The following SLAMF1 variants were observed in gnomAD, a reference collection of about 807,000 sequenced individuals.
SLAMF1 encodes the protein signaling lymphocytic activation molecule family member 1.
A neutral mutation model predicts 35.1 loss-of-function variants in SLAMF1; 18 were observed. The ratio of observed to expected loss-of-function variants is 0.51; its 90% CI spans 0.35 to 0.76. The LOEUF (loss-of-function observed/expected upper bound fraction) is 0.76. SLAMF1 is among the 30% of genes least tolerant of loss of function. The pLI, the probability that SLAMF1 is intolerant of heterozygous loss-of-function variation, is 0.01. For missense variants in SLAMF1, 392 were observed against 413.0 expected (o/e 0.95, Z 0.44); for synonymous variants, 168 against 157.2 (o/e 1.07, Z -0.51).
intron 4 of SLAMF1, 134 bp downstream of exon 4, chr1:160,623,962 T>G: frequency 1.5e-6 from 1 of 655,340 alleles, no homozygotes. Flanking sequence ...CCAGGATATG[T>G]TTATCTACTA....
chr1:160,628,324 C>G (rs575204680), intron 3 of SLAMF1, among the ~76,000 whole-genome samples: 1 of 152,200 alleles, frequency 6.6e-6, no homozygotes, highest in South Asian at 2.1e-4. Flanking sequence ...TTCAGACTCT[C>G]TCTTTCTCTT....
intron 1 of SLAMF1, among the ~76,000 whole-genome samples, chr1:160,646,326 G>T (rs554880323): frequency 1.3e-5 from 2 of 152,236 alleles, no homozygotes; most frequent in African/African-American, 4.8e-5. Context: ...CAGTATGACC[G>T]CACTGTGGCC....
At chr1:160,633,194 A>G (rs2102331621) in intron 3 of SLAMF1, among the ~76,000 whole-genome samples, 2 of 152,150 alleles carry the variant, frequency 1.3e-5, no homozygotes, top group Admixed American at 6.5e-5. Context: ...GCACCTTCTA[A>G]ATGACTGTGG....
At chr1:160,643,949 T>C (rs1660896199) in intron 1 of SLAMF1, among the ~76,000 whole-genome samples, 1 of 152,202 alleles carries the variant, frequency 6.6e-6, no homozygotes, top group South Asian at 2.1e-4. Context: ...AATACTCTTG[T>C]GTACTGTTGA....
intron 3 of SLAMF1, among the ~76,000 whole-genome samples, chr1:160,631,615 T>C (rs1378368241): frequency 2.6e-5 from 4 of 152,000 alleles, no homozygotes; most frequent in African/African-American, 7.3e-5. Context: ...ACCTAACTGG[T>C]GTCCTTATAA....
chr1:160,645,643 C>T (rs909541613), intron 1 of SLAMF1, among the ~76,000 whole-genome samples: 4 of 152,190 alleles, frequency 2.6e-5, no homozygotes, highest in South Asian at 4.1e-4. Context: ...GTTGCAACAA[C>T]GGAGGCTTGG....
intron 1 of SLAMF1, among the ~76,000 whole-genome samples, chr1:160,643,608 T>C (rs557319517): frequency 3.9e-5 from 6 of 152,354 alleles, no homozygotes; most frequent in Non-Finnish European, 7.3e-5. Flanking sequence ...TTATCTCTGA[T>C]TTCTTCTCTG....
rs188019552 is a variant in SLAMF1, at chr1:160,624,858, T to G, written c.701-673A>C. On this transcript the variant is annotated intron_variant, in intron 3 of 6. Coordinates refer to ENST00000302035, the MANE Select transcript of SLAMF1 (RefSeq NM_003037.5). Reference sequence around the variant, plus strand: ...CCCACTTTATCAAATCCTTTTGAACTAGGAGCAACACTTTGACAAACAGTG... The same window carrying G: ...CCCACTTTATCAAATCCTTTTGAACGAGGAGCAACACTTTGACAAACAGTG... 1.6e-3 allele frequency among the ~76,000 whole-genome samples: 251 copies of G among 152,326 alleles called. 1 individual carries two copies. Among genetic ancestry groups the G allele is most frequent in the African/African-American group, 5.9e-3 (245 of 41,578 alleles).
chr1:160,624,008 T>C, intron 4 of SLAMF1, 88 bp downstream of exon 4: 1 of 887,340 alleles, frequency 1.1e-6, no homozygotes, highest in East Asian at 2.6e-5. Context: ...AAAGCCAGAG[T>C]TGTGAGAGCA....
At chr1:160,634,349 G>C (rs1660314350) in intron 3 of SLAMF1, 1 of 972,864 alleles carries the variant, frequency 1.0e-6, no homozygotes. Context: ...AGGCAGAGAA[G>C]GCTACGCCTT....
intron 3 of SLAMF1, among the ~76,000 whole-genome samples, chr1:160,631,547 G>A (rs1003725134): frequency 1.4e-4 from 22 of 152,108 alleles, no homozygotes; most frequent in Admixed American, 7.9e-4. Context: ...GTATTTGGAG[G>A]CAAGGTCTTT....
intron 1 of SLAMF1, among the ~76,000 whole-genome samples, chr1:160,640,119 GTTTGT>G (rs1461312295): frequency 6.6e-6 from 1 of 151,630 alleles, no homozygotes; most frequent in Non-Finnish European, 1.5e-5. Context: ...CTGTATATTT[GTTTGT>G]TTTATTTTTG....
chr1:160,610,408 A>G lies in SLAMF1; in HGVS notation c.*340T>C. 1 of 474,082 alleles carries G rather than the reference A, an allele frequency of 2.1e-6. No individual in the cohort carries two copies. The highest frequency in any genetic ancestry group is 1.6e-5 in the South Asian group (1 of 64,222). 29.4% of individuals were successfully genotyped at this position (474,082 alleles called of 1,614,324 possible). ...CTCAGATGTCCTGGCTTTCAGTCTG[A>G]TTTTTATTATCCAGTTCCAGCCAAG... On this transcript the variant is annotated 3_prime_UTR_variant, in exon 7 of 7. Coordinates refer to ENST00000302035, the MANE Select transcript of SLAMF1 (RefSeq NM_003037.5).
Position 160,612,493 on chromosome 1 carries a change from C to T in SLAMF1, c.952G>A (p.Val318Ile), listed in dbSNP as rs758267823. Reference sequence around the variant, plus strand: ...TAGGCAGAGAGATGCCTCACCTGGACAGACTCTGGGACAGGCTCTGTGGCA... The same window carrying T: ...TAGGCAGAGAGATGCCTCACCTGGATAGACTCTGGGACAGGCTCTGTGGCA... ...VAATEPVPES[V>I]QETNSITVYA... The change falls in exon 6 of 7, where the codon GTC becomes ATC. Residue 318 changes from valine to isoleucine, a missense_variant. Coordinates refer to ENST00000302035, the MANE Select transcript of SLAMF1 (RefSeq NM_003037.5). The T allele has an allele frequency of 6.2e-7, 1 of 1,607,136 alleles. No individual in the cohort carries two copies. The highest frequency in any genetic ancestry group is 1.7e-5 in the Admixed American group (1 of 59,900).
rs1287656225 is a variant in SLAMF1, at chr1:160,609,044, G to A, written c.*1704C>T. ...AGCTAGAGATGAAAGGATGAAGAAG[G>A]GACCCTGGAGAATTCATTTTCATGG... On this transcript the variant is annotated 3_prime_UTR_variant, in exon 7 of 7. Transcript: ENST00000302035. 1 of 152,104 alleles carries A rather than the reference G, an allele frequency of 6.6e-6. No homozygotes were observed. 9.4% of individuals were successfully genotyped at this position (152,104 alleles called of 1,614,324 possible). A position where few individuals can be genotyped will look rare whatever the true frequency, so the allele number is the denominator to read the frequency against.
At chr1:160,631,221 C>T (rs1660148147) in intron 3 of SLAMF1, among the ~76,000 whole-genome samples, 1 of 152,190 alleles carries the variant, frequency 6.6e-6, no homozygotes, top group African/African-American at 2.4e-5. Context: ...ATTCTGTTTT[C>T]AGTATTTAGG....
intron 6 of SLAMF1, 140 bp downstream of exon 6, chr1:160,612,348 A>T (rs541462938): frequency 5.2e-6 from 3 of 576,400 alleles, no homozygotes; most frequent in East Asian, 2.9e-5. Context: ...GTATTTTGTC[A>T]CCTAGGTATG....
intron 3 of SLAMF1, among the ~76,000 whole-genome samples, chr1:160,626,446 A>C (rs1404259056): frequency 6.6e-6 from 1 of 152,204 alleles, no homozygotes; most frequent in Non-Finnish European, 1.5e-5. Context: ...GTCCATCTAG[A>C]TCTGAGAGAC....
At chr1:160,646,152 GAGTCCAGATCCAA>G (rs1160801745) in intron 1 of SLAMF1, among the ~76,000 whole-genome samples, 1 of 152,196 alleles carries the variant, frequency 6.6e-6, no homozygotes, top group Non-Finnish European at 1.5e-5. Context: ...GACAGGAACA[GAGTCCAGATCCAA>G]AGGTAGCTCT....
Sources: allele counts gnomAD v4.1 joint callset (sites outside exome capture counted in the v4.1 genomes callset), GRCh38; gene constraint gnomAD v4.1.1; transcripts MANE v1.5; gene names NCBI Gene and HGNC (gene_info 2026-07-23, HGNC 2026-07-21).